Variants in TRAPPC9 observed in about 807,000 individuals in gnomAD.
The protein encoded by TRAPPC9 is IKK2 binding protein.
A neutral mutation model predicts 124.0 loss-of-function variants in TRAPPC9; 83 were observed. The ratio of observed to expected loss-of-function variants is 0.67; its 90% CI spans 0.56 to 0.80. TRAPPC9 has a LOEUF of 0.80. Among genes scored for constraint, TRAPPC9 ranks in the 30% least tolerant of loss-of-function variants. The pLI, the probability that TRAPPC9 is intolerant of heterozygous loss-of-function variation, is 0.00. For synonymous variants in TRAPPC9, 638 were observed against 617.5 expected (o/e 1.03, Z -0.49); for missense variants, 1,302 against 1,508.3 (o/e 0.86, Z 2.27).
rs1037899211 is a variant in TRAPPC9, at chr8:140,125,951, G to T, written c.2556+95508C>A. Among the ~76,000 whole-genome samples, 4 of 152,046 alleles carry T rather than the reference G, an allele frequency of 2.6e-5. No individual in the cohort carries two copies. In the East Asian group the frequency reaches 7.7e-4, roughly 29 times the overall value. On this transcript the variant is annotated intron_variant, in intron 17 of 22. Transcript: ENST00000438773. ...GGTTTCTCTCTCTTGGTTTGAAAGT[G>T]AAGAAGTGGTGTTAATTTCACCGTG...
At chr8:140,049,184 C>T (rs1841816551) in intron 17 of TRAPPC9, among the ~76,000 whole-genome samples, 2 of 152,224 alleles carry the variant, frequency 1.3e-5, no homozygotes, top group South Asian at 2.1e-4. Context: ...AGTAAACCCC[C>T]ACGTTCGCAG....
chr8:139,800,179 G>C (rs1023858861), intron 21 of TRAPPC9, among the ~76,000 whole-genome samples: 1 of 152,246 alleles, frequency 6.6e-6, no homozygotes, highest in Non-Finnish European at 1.5e-5. Context: ...TCCCCAGCCC[G>C]CTGTGCTGTG....
chr8:139,953,862 C>A (rs1834816593), intron 19 of TRAPPC9, among the ~76,000 whole-genome samples: 1 of 152,060 alleles, frequency 6.6e-6, no homozygotes, highest in Non-Finnish European at 1.5e-5. Flanking sequence ...CAGGGAAATT[C>A]AAATTAAAAC....
chr8:139,897,203 G>C (rs986801567), intron 20 of TRAPPC9, among the ~76,000 whole-genome samples: 2 of 152,222 alleles, frequency 1.3e-5, no homozygotes, highest in African/African-American at 4.8e-5. Flanking sequence ...TTCTGCCTCA[G>C]AGACACGGCT....
intron 12 of TRAPPC9, among the ~76,000 whole-genome samples, chr8:140,289,172 ATAGTGTGTGTGT>A (rs1237674182): frequency 4.9e-5 from 6 of 122,054 alleles, no homozygotes; most frequent in African/African-American, 1.7e-4. Flanking sequence ...AGATATATAT[ATAGTGTGTGTGT>A]GTGTGTGTGT....
chr8:140,301,572 C>T (rs111338964), intron 10 of TRAPPC9, among the ~76,000 whole-genome samples: 6,083 of 152,250 alleles, frequency 0.04, 358 homozygotes, highest in African/African-American at 0.14. Flanking sequence ...TTTGGGAAGA[C>T]GGTGGTTAAG....
intron 5 of TRAPPC9, among the ~76,000 whole-genome samples, chr8:140,421,417 T>C (rs2070202798): frequency 1.3e-5 from 2 of 152,262 alleles, no homozygotes; most frequent in Non-Finnish European, 2.9e-5. Context: ...TGTGTAACCA[T>C]AATACGTCTA....
chr8:139,747,750 G>A (rs377672845), intron 21 of TRAPPC9, among the ~76,000 whole-genome samples: 2 of 73,912 alleles, frequency 2.7e-5, no homozygotes, highest in East Asian at 1.2e-3. Context: ...CAGAGAAGAT[G>A]CAGGGGGTAT....
At chr8:140,219,375 T>G (rs2063278974) in intron 17 of TRAPPC9, among the ~76,000 whole-genome samples, 1 of 152,198 alleles carries the variant, frequency 6.6e-6, no homozygotes, top group Admixed American at 6.5e-5. Flanking sequence ...TTACAAAACG[T>G]TACGTTTTCC....
chr8:140,076,898 G>A (rs1218872157), intron 17 of TRAPPC9, among the ~76,000 whole-genome samples: 1 of 152,196 alleles, frequency 6.6e-6, no homozygotes, highest in Admixed American at 6.5e-5. Flanking sequence ...GGGTACAATA[G>A]TTCACATCTG....
At chr8:139,988,612 G>T in intron 19 of TRAPPC9, 114 bp downstream of exon 19, 1 of 735,886 alleles carries the variant, frequency 1.4e-6, no homozygotes, top group South Asian at 1.5e-5. Context: ...CTGAAAGGGA[G>T]ACAAACTGCC....
At chr8:140,291,260 G>A (rs1363988963) in intron 11 of TRAPPC9, 182 bp from the exon 12 acceptor site, 4 of 670,292 alleles carry the variant, frequency 6.0e-6, no homozygotes, top group Non-Finnish European at 1.1e-5. Context: ...ACAAAGCAAG[G>A]TAGCTGTCAC....
intron 18 of TRAPPC9, among the ~76,000 whole-genome samples, chr8:140,010,110 C>A (rs1839025910): frequency 6.6e-6 from 1 of 152,098 alleles, no homozygotes; most frequent in South Asian, 2.1e-4. Context: ...TTATTTATAC[C>A]ATGAATAACA....
chr8:140,153,093 T>A (rs2061573358), intron 17 of TRAPPC9, among the ~76,000 whole-genome samples: 2 of 152,320 alleles, frequency 1.3e-5, no homozygotes, highest in South Asian at 4.1e-4. Flanking sequence ...CTGATTTGTA[T>A]CATGAAAGGA....
chr8:139,898,475 T>C (rs546831876), intron 20 of TRAPPC9, among the ~76,000 whole-genome samples: 140 of 152,336 alleles, frequency 9.2e-4, no homozygotes, highest in Non-Finnish European at 1.8e-3. Flanking sequence ...TGACCACCTA[T>C]GCAAGGCCAC....
chr8:140,166,456 G>T (rs1379396621), intron 17 of TRAPPC9, among the ~76,000 whole-genome samples: 1 of 152,208 alleles, frequency 6.6e-6, no homozygotes, highest in African/African-American at 2.4e-5. Flanking sequence ...CACCTCCAGG[G>T]AGCTCAAGCT....
chr8:139,975,175 T>C (rs7827317), intron 19 of TRAPPC9, among the ~76,000 whole-genome samples: 17,863 of 152,110 alleles, frequency 0.12, 1,380 homozygotes, highest in East Asian at 0.41. Flanking sequence ...GACGAGACTT[T>C]CCACCAAACT....
At chr8:140,312,459 A>G (rs2066321832) in intron 9 of TRAPPC9, among the ~76,000 whole-genome samples, 1 of 152,204 alleles carries the variant, frequency 6.6e-6, no homozygotes, top group Non-Finnish European at 1.5e-5. Context: ...AGGAGTGCCT[A>G]TATCAGGAAT....
At chr8:140,245,171 A>T (rs950508935) in intron 16 of TRAPPC9, among the ~76,000 whole-genome samples, 1 of 152,234 alleles carries the variant, frequency 6.6e-6, no homozygotes, top group African/African-American at 2.4e-5. Context: ...AAATAAAGGT[A>T]TCACTTAATG....
Sources: allele counts gnomAD v4.1 joint callset (sites outside exome capture counted in the v4.1 genomes callset), GRCh38; gene constraint gnomAD v4.1.1; transcripts MANE v1.5; gene names NCBI Gene and HGNC (gene_info 2026-07-23, HGNC 2026-07-21).